Variants in DPP8 observed in about 807,000 individuals in gnomAD.
DPP8 encodes DPP VIII.
In DPP8, 31 loss-of-function variants were observed where a neutral mutation model predicts 107.5. The observed-to-expected ratio is 0.29, with a 90% confidence interval of 0.22 to 0.39. The LOEUF (loss-of-function observed/expected upper bound fraction) is 0.39, where lower values mean the gene tolerates loss of function less well. Among genes scored for constraint, DPP8 ranks in the 10% least tolerant of loss-of-function variants. The probability of loss-of-function intolerance (pLI) is 1.00; values close to 1 mark genes in which losing one functional copy is unlikely to be tolerated. For synonymous variants in DPP8, 381 were observed against 356.6 expected, an observed-to-expected ratio of 1.07 and a Z score of -0.77; for missense variants, 842 against 1,076.1, an observed-to-expected ratio of 0.78 and a Z score of 3.04.
intron 2 of DPP8, among the ~76,000 whole-genome samples, chr15:65,510,498 G>C (rs960185684): frequency 2.6e-5 from 4 of 151,472 alleles, no homozygotes; most frequent in African/African-American, 9.7e-5. Flanking sequence ...AAAAACCAAA[G>C]ATTATAGACT....
At chr15:65,464,601 T>C (rs143506737) in intron 14 of DPP8, among the ~76,000 whole-genome samples, 2,573 of 151,644 alleles carry the variant, frequency 0.017, 33 homozygotes, top group Non-Finnish European at 0.025. Flanking sequence ...GAAGATTGAC[T>C]GAGCCCAGGA....
chr15:65,470,504 G>T (rs1208978967), intron 12 of DPP8, among the ~76,000 whole-genome samples: 1 of 151,486 alleles, frequency 6.6e-6, no homozygotes, highest in Non-Finnish European at 1.5e-5. Context: ...TAGTCAGGGG[G>T]CTGAGGCAGG....
intron 1 of DPP8, chr15:65,515,585 C>T: frequency 7.4e-7 from 1 of 1,349,040 alleles, no homozygotes; most frequent in Non-Finnish European, 1.1e-6. Context: ...GTCAGTGTAC[C>T]TTCTCAGCAC....
chr15:65,462,570 C>T (rs920822133), intron 15 of DPP8, among the ~76,000 whole-genome samples: 6 of 151,992 alleles, frequency 3.9e-5, no homozygotes, highest in Admixed American at 3.9e-4. Context: ...AGCAATTAAC[C>T]AATACACCCA....
At chr15:65,450,959 A>C in intron 19 of DPP8, 40 bp downstream of exon 19, 1 of 1,236,072 alleles carries the variant, frequency 8.1e-7, no homozygotes, top group Non-Finnish European at 1.2e-6. Flanking sequence ...TCAATCACTA[A>C]TCATGACTGC....
chr15:65,454,549 T>TG, intron 16 of DPP8, 134 bp from the exon 17 acceptor site: 2 of 766,960 alleles, frequency 2.6e-6, no homozygotes, highest in South Asian at 4.2e-5. Context: ...TTTTTTGAGA[T>TG]GGAGTCTCAC....
At chr15:65,513,412 CTG>C in intron 1 of DPP8, among the ~76,000 whole-genome samples, 1 of 152,240 alleles carries the variant, frequency 6.6e-6, no homozygotes, top group East Asian at 1.9e-4. Flanking sequence ...TGGGGTTTCA[CTG>C]TGTTAGCCAG....
intron 19 of DPP8, among the ~76,000 whole-genome samples, chr15:65,448,880 AT>A (rs2063725799): frequency 5.0e-5 from 1 of 20,074 alleles, no homozygotes; most frequent in African/African-American, 2.5e-4. Context: ...ATATATATAT[AT>A]ATATATATAT....
At chr15:65,500,237 G>A (rs2069070698) in intron 4 of DPP8, among the ~76,000 whole-genome samples, 1 of 152,068 alleles carries the variant, frequency 6.6e-6, no homozygotes, top group South Asian at 2.1e-4. Flanking sequence ...TGACCAACAT[G>A]GAGATACCCC....
chr15:65,451,103 G>A lies in DPP8; in HGVS notation c.2422C>T (p.Arg808Cys). 1.9e-6 allele frequency: 3 copies of A among 1,603,124 alleles called. No homozygotes were observed. Among genetic ancestry groups the A allele is most frequent in the Non-Finnish European group, 2.6e-6 (3 of 1,170,970 alleles). The stretch of plus-strand genomic sequence containing the variant: ...AGGAAACCATGTAAGAGCAGTAAAC[G>A]ATTTGGTCTGGAGAAATGGAAATAT... Reference protein sequence around the residue: ...QAEKFPSEPNRLLLLHGFLDE... With the variant: ...QAEKFPSEPNCLLLLHGFLDE... Residue 808 changes from arginine (R) to cysteine (C), a missense_variant, in exon 19 of 20, where the codon CGT becomes TGT. This residue lies in a region of DPP8 where 179 missense variants were observed against 318.0 expected (regional missense o/e 0.56). Transcript: ENST00000300141.
intron 8 of DPP8, among the ~76,000 whole-genome samples, chr15:65,482,490 C>T (rs1335842288): frequency 2.0e-5 from 3 of 152,044 alleles, no homozygotes; most frequent in East Asian, 3.9e-4. Flanking sequence ...CCATGTTGGC[C>T]AGGCTGGTCT....
At chr15:65,452,823 T>A (rs976668905) in intron 17 of DPP8, among the ~76,000 whole-genome samples, 5 of 151,820 alleles carry the variant, frequency 3.3e-5, no homozygotes, top group African/African-American at 9.7e-5. Context: ...AATACAAAAA[T>A]TAGCTGGGAA....
rs945823276 is a variant in DPP8, at chr15:65,479,014, G to A, written c.1322C>T (p.Pro441Leu). Residue 441 changes from proline to leucine, a missense_variant, in exon 11 of 20, where the codon CCC becomes CTC. This residue lies in a region of DPP8 where 663 missense variants were observed against 758.0 expected (regional missense o/e 0.87). Transcript: ENST00000300141. ...CTCAATTTCCTCTTCGTGACTTTGG[G>A]GAAAAACATGAAAGATGTCATGGAT... ...INIHDIFHVF[P>L]QSHEEEIEFI... 1.9e-6 allele frequency: 3 copies of A among 1,579,992 alleles called. No individual in the cohort carries two copies. Among genetic ancestry groups the A allele is most frequent in the Non-Finnish European group, 2.6e-6 (3 of 1,167,088 alleles).
intron 12 of DPP8, among the ~76,000 whole-genome samples, chr15:65,469,653 CAAAAA>C (rs61311948): frequency 3.0e-5 from 2 of 66,554 alleles, no homozygotes; most frequent in East Asian, 4.1e-4. Flanking sequence ...AACTCCGTCT[CAAAAA>C]AAAAAAAAAA....
rs567826836 is a variant in DPP8, at chr15:65,512,167, C to G, written c.259+128G>C. ...AAAATCGAATTCTTCAAATTATAGG[C>G]TTTTCTTTAATGAAACCAAAAGTCA... On this transcript the variant is annotated intron_variant, in intron 2 of 19. Coordinates refer to ENST00000300141, the MANE Select transcript of DPP8 (RefSeq NM_130434.5). The G allele has an allele frequency of 1.3e-5, 12 of 935,194 alleles. No homozygotes were observed. The African/African-American group carries it at 1.3e-4, about 10-fold the overall frequency. 57.9% of individuals were successfully genotyped at this position (935,194 alleles called of 1,614,324 possible). A position where few individuals can be genotyped will look rare whatever the true frequency, so the allele number is the denominator to read the frequency against.
At chr15:65,463,999 C>T (rs1327762318) in intron 14 of DPP8, 93 bp from the exon 15 acceptor site, 6 of 960,022 alleles carry the variant, frequency 6.2e-6, no homozygotes, top group East Asian at 2.8e-5. Context: ...AAGTCAGCCC[C>T]GCCAACACAA....
intron 19 of DPP8, among the ~76,000 whole-genome samples, chr15:65,448,584 A>T (rs1209462055): frequency 6.7e-6 from 1 of 148,946 alleles, no homozygotes; most frequent in Non-Finnish European, 1.5e-5. Flanking sequence ...GGGCAGTAGA[A>T]TGGCGTGAAC....
At chr15:65,491,384 C>A (rs576736276) in intron 5 of DPP8, among the ~76,000 whole-genome samples, 2 of 152,004 alleles carry the variant, frequency 1.3e-5, no homozygotes, top group Non-Finnish European at 2.9e-5. Context: ...CTTAAATGTA[C>A]TGTTTATTTT....
intron 9 of DPP8, 56 bp from the exon 10 acceptor site, chr15:65,480,455 A>G (rs1234690752): frequency 2.9e-6 from 4 of 1,360,244 alleles, no homozygotes; most frequent in East Asian, 2.3e-5. Flanking sequence ...TCAGAAAAAG[A>G]TTTCCCTATT....
Sources: gnomAD v4.1 joint callset for allele counts (sites outside exome capture counted in the v4.1 genomes callset) on GRCh38, gnomAD v4.1.1 for gene constraint, gnomAD v4.1.1 regional missense constraint, MANE v1.5 for transcripts, NCBI Gene and HGNC (gene_info 2026-07-23, HGNC 2026-07-21) for gene names.